The following TNKS variants were observed in gnomAD, a reference collection of about 807,000 sequenced individuals.
TNKS encodes poly [ADP-ribose] polymerase tankyrase-1.
In TNKS, 72 loss-of-function variants were observed where a neutral mutation model predicts 135.8. The ratio of observed to expected loss-of-function variants is 0.53; its 90% CI spans 0.44 to 0.64. The LOEUF (loss-of-function observed/expected upper bound fraction) is 0.64, where lower values mean the gene tolerates loss of function less well. TNKS is among the 30% of genes least tolerant of loss of function. The probability of loss-of-function intolerance (pLI) is 0.00; values close to 1 mark genes in which losing one functional copy is unlikely to be tolerated. For synonymous variants in TNKS, 849 were observed against 649.3 expected (o/e 1.31, Z -4.68); for missense variants, 1,769 against 1,674.0 (o/e 1.06, Z -0.99).
chr8:9,567,553 C>A (rs1027179492), intron 1 of TNKS, among the ~76,000 whole-genome samples: 1 of 152,232 alleles, frequency 6.6e-6, no homozygotes, highest in African/African-American at 2.4e-5. Context: ...GTAGCTGGGA[C>A]TACAGGCGCC....
chr8:9,605,121 A>G (rs922036780), intron 2 of TNKS, among the ~76,000 whole-genome samples: 3 of 152,104 alleles, frequency 2.0e-5, no homozygotes, highest in Non-Finnish European at 4.4e-5. Flanking sequence ...TCTAATCAAA[A>G]TAATACAACA....
At chr8:9,638,964 A>G (rs1800623712) in intron 3 of TNKS, among the ~76,000 whole-genome samples, 1 of 152,164 alleles carries the variant, frequency 6.6e-6, no homozygotes, top group Non-Finnish European at 1.5e-5. Flanking sequence ...AAGCGATGGA[A>G]GTGAGGATGG....
rs1196630568 is a variant in TNKS, at chr8:9,776,643, T to C, written c.3898-7T>C. 6.2e-7 allele frequency: 1 copy of C among 1,613,718 alleles called. No individual in the cohort carries two copies. Among genetic ancestry groups the C allele is most frequent in the South Asian group, 1.1e-5 (1 of 91,080 alleles). ...GGGTGATTTGTTTTTCTTCTTGTCCTTCCCAGGCATACCCAGAGTATCTTA... is the reference window on the plus strand; with the variant it reads ...GGGTGATTTGTTTTTCTTCTTGTCCCTCCCAGGCATACCCAGAGTATCTTA... On this transcript the variant is annotated splice_region_variant and splice_polypyrimidine_tract_variant and intron_variant, in intron 26 of 26. Coordinates refer to ENST00000310430, the MANE Select transcript of TNKS (RefSeq NM_003747.3).
intron 3 of TNKS, among the ~76,000 whole-genome samples, chr8:9,655,959 G>C (rs1359676601): frequency 1.3e-5 from 2 of 152,114 alleles, no homozygotes; most frequent in Non-Finnish European, 2.9e-5. Flanking sequence ...TAAAGGAGGA[G>C]GTTTGAACCG....
At chr8:9,697,719 T>A (rs1319226144) in intron 5 of TNKS, among the ~76,000 whole-genome samples, 1 of 151,994 alleles carries the variant, frequency 6.6e-6, no homozygotes, top group Non-Finnish European at 1.5e-5. Context: ...GAAACGCAAA[T>A]CACAACCACA....
intron 26 of TNKS, among the ~76,000 whole-genome samples, chr8:9,771,275 GA>G (rs1304748738): frequency 1.4e-5 from 2 of 141,744 alleles, no homozygotes; most frequent in African/African-American, 5.4e-5. Flanking sequence ...GGGAGGAAGA[GA>G]GAGCGAGGAA....
At chr8:9,556,831 G>T in intron 1 of TNKS, 1 of 597,198 alleles carries the variant, frequency 1.7e-6, no homozygotes, top group Non-Finnish European at 3.0e-6. Flanking sequence ...TTCAGTGGTT[G>T]CACAGTACTC....
intron 3 of TNKS, among the ~76,000 whole-genome samples, chr8:9,671,918 G>C (rs1006564303): frequency 6.6e-6 from 1 of 152,156 alleles, no homozygotes; most frequent in African/African-American, 2.4e-5. Flanking sequence ...ATGATGCTCT[G>C]AGTATGGTGA....
chr8:9,620,411 C>G (rs543488770), intron 3 of TNKS, among the ~76,000 whole-genome samples: 1 of 152,210 alleles, frequency 6.6e-6, no homozygotes, highest in Non-Finnish European at 1.5e-5. Flanking sequence ...CATAATGGAT[C>G]TCTCTGCCAC....
chr8:9,628,177 A>C (rs60674203), intron 3 of TNKS, among the ~76,000 whole-genome samples: 107,630 of 152,076 alleles, frequency 0.71, 38,448 homozygotes, highest in Middle Eastern at 0.8. Context: ...TAAAAAAAAA[A>C]ACATTCTTTT....
chr8:9,568,471 C>T (rs11995920), intron 1 of TNKS, among the ~76,000 whole-genome samples: 10 of 151,508 alleles, frequency 6.6e-5, no homozygotes, highest in Admixed American at 5.3e-4. Flanking sequence ...TGGAGACTTA[C>T]CGTATGAAAA....
intron 21 of TNKS, among the ~76,000 whole-genome samples, chr8:9,762,749 C>T (rs978155216): frequency 2.6e-5 from 4 of 151,832 alleles, no homozygotes; most frequent in African/African-American, 9.7e-5. Flanking sequence ...AAACAAAATA[C>T]AGAAAATTAG....
At chr8:9,612,245 A>G (rs1320679047) in intron 2 of TNKS, among the ~76,000 whole-genome samples, 1 of 152,212 alleles carries the variant, frequency 6.6e-6, no homozygotes, top group African/African-American at 2.4e-5. Context: ...ATTTTGTAAA[A>G]TATAAATAAA....
At chr8:9,760,164 G>T (rs760249693) in intron 20 of TNKS, among the ~76,000 whole-genome samples, 1 of 152,062 alleles carries the variant, frequency 6.6e-6, no homozygotes, top group Non-Finnish European at 1.5e-5. Context: ...GAATGTAAAG[G>T]CTCCTATTAT....
Position 9,691,139 on chromosome 8 carries a change from G to T in TNKS, c.1107+10339G>T, listed in dbSNP as rs117495539. Among the ~76,000 whole-genome samples, 359 of 152,336 alleles carry T rather than the reference G, an allele frequency of 2.4e-3. 6 individuals carry two copies. In the Middle Eastern group the frequency reaches 0.034, roughly 14 times the overall value. ...TCAGAAAATTCTTCTCTAATAAGCA[G>T]TTGAAGTAACTGCAGGGGAGTTTAG... On this transcript the variant is annotated intron_variant, in intron 5 of 26. Coordinates refer to ENST00000310430, the MANE Select transcript of TNKS (RefSeq NM_003747.3).
At chr8:9,693,962 G>T (rs991393683) in intron 5 of TNKS, among the ~76,000 whole-genome samples, 3 of 152,146 alleles carry the variant, frequency 2.0e-5, no homozygotes, top group African/African-American at 7.2e-5. Flanking sequence ...GGGCAAATCA[G>T]GACAAGTCAG....
chr8:9,615,515 C>T (rs552055421), intron 2 of TNKS, 67 bp from the exon 3 acceptor site: 106 of 1,319,742 alleles, frequency 8.0e-5, no homozygotes, highest in Middle Eastern at 3.7e-4. Context: ...CATGCCGAGA[C>T]GACACTTACC....
At chr8:9,747,444 G>A (rs1806299001) in intron 17 of TNKS, among the ~76,000 whole-genome samples, 1 of 152,078 alleles carries the variant, frequency 6.6e-6, no homozygotes, top group Admixed American at 6.6e-5. Context: ...TAGCATGTCT[G>A]CTGCTAACAT....
chr8:9,592,349 C>A (rs1218061812), intron 2 of TNKS, among the ~76,000 whole-genome samples: 1 of 152,168 alleles, frequency 6.6e-6, no homozygotes, highest in African/African-American at 2.4e-5. Context: ...TTAGCTATTT[C>A]TTCATCTTAC....
Sources: allele counts gnomAD v4.1 joint callset (sites outside exome capture counted in the v4.1 genomes callset), GRCh38; gene constraint gnomAD v4.1.1; transcripts MANE v1.5; gene names NCBI Gene and HGNC (gene_info 2026-07-23, HGNC 2026-07-21).